The following CC2D2B variants were observed in gnomAD, a reference collection of about 807,000 sequenced individuals.
CC2D2B encodes the protein protein CC2D2B.
In CC2D2B, 128 loss-of-function variants were observed where a neutral mutation model predicts 161.2. That is an observed-to-expected ratio of 0.79 (90% CI 0.69 to 0.92). The LOEUF is 0.92. Among genes scored for constraint, CC2D2B ranks in the 40% least tolerant of loss-of-function variants. The pLI is 0.00. For missense variants in CC2D2B, 1,173 were observed against 1,375.1 expected (o/e 0.85, Z 2.32); for synonymous variants, 391 against 449.8 (o/e 0.87, Z 1.65).
In CC2D2B at chr10:95,992,296, C is replaced by A. The variant is rs142149144; in HGVS notation, c.2472-231C>A. The stretch of plus-strand genomic sequence containing the variant: ...CCACGTATCTGTTTGGACCATGTAC[C>A]CAAGGGGCAAGGAGCAATCACAGTC... On this transcript the variant is annotated intron_variant, in intron 21 of 34. Transcript: ENST00000646931. Among the ~76,000 whole-genome samples the A allele has an allele frequency of 6.6e-5, 10 of 152,202 alleles. No homozygotes were observed. The East Asian group carries it at 1.9e-3, about 29-fold the overall frequency.
At chr10:95,916,194 C>G (rs925544638) in intron 2 of CC2D2B, among the ~76,000 whole-genome samples, 19 of 152,026 alleles carry the variant, frequency 1.2e-4, no homozygotes, top group African/African-American at 4.6e-4. Context: ...CATATAATTT[C>G]TCATAGTAGC....
chr10:96,031,735 A>G, intron 34 of CC2D2B, 85 bp from the exon 35 acceptor site: 1 of 1,193,206 alleles, frequency 8.4e-7, no homozygotes, highest in Admixed American at 2.0e-5. Context: ...TATTTCTTTG[A>G]GGCTTTTGTG....
At chr10:95,965,785 TTGTG>T (rs59230785) in intron 12 of CC2D2B, 107 bp from the exon 13 acceptor site, 4,427 of 339,064 alleles carry the variant, frequency 0.013, 12 homozygotes, top group Middle Eastern at 0.018. Context: ...GAGATTGGTT[TTGTG>T]TGTGTGTGTG....
chr10:95,968,491 G>T (rs1016293561), intron 14 of CC2D2B, among the ~76,000 whole-genome samples: 1 of 152,022 alleles, frequency 6.6e-6, no homozygotes, highest in Admixed American at 6.6e-5. Flanking sequence ...ATAGGACCTT[G>T]ATTTTAGTTC....
At chr10:95,995,021 C>T (rs1392279807) in intron 22 of CC2D2B, among the ~76,000 whole-genome samples, 2 of 152,038 alleles carry the variant, frequency 1.3e-5, no homozygotes, top group Admixed American at 6.6e-5. Context: ...TTTCTGAATA[C>T]CTGTGAATAT....
At chr10:95,993,886 TATAGAGAG>T (rs1241272397) in intron 22 of CC2D2B, among the ~76,000 whole-genome samples, 1 of 99,370 alleles carries the variant, frequency 1.0e-5, no homozygotes, top group Non-Finnish European at 1.9e-5. Flanking sequence ...TATATATATA[TATAGAGAG>T]AGAGAATGTG....
At chr10:95,995,173 T>C (rs776563205) in intron 22 of CC2D2B, 96 bp from the exon 23 acceptor site, 7 of 582,100 alleles carry the variant, frequency 1.2e-5, no homozygotes, top group East Asian at 3.0e-5. Flanking sequence ...AACTGACTTA[T>C]ATATCTTCAT....
chr10:95,947,774 C>A (rs2076274569), intron 9 of CC2D2B, among the ~76,000 whole-genome samples: 1 of 151,720 alleles, frequency 6.6e-6, no homozygotes, highest in Non-Finnish European at 1.5e-5. Flanking sequence ...AAAAGATGGA[C>A]TAAAACAGTT....
intron 11 of CC2D2B, among the ~76,000 whole-genome samples, chr10:95,956,935 G>T (rs1001420899): frequency 6.6e-6 from 1 of 151,992 alleles, no homozygotes; most frequent in Admixed American, 6.6e-5. Flanking sequence ...TCTGAGATTG[G>T]TTAATCTATA....
chr10:95,967,687 C>T (rs2076987120), intron 14 of CC2D2B, among the ~76,000 whole-genome samples: 1 of 152,040 alleles, frequency 6.6e-6, no homozygotes, highest in South Asian at 2.1e-4. Flanking sequence ...TTTTTAAAAT[C>T]AATACTTTTA....
intron 29 of CC2D2B, among the ~76,000 whole-genome samples, chr10:96,014,765 T>G (rs2079120367): frequency 6.6e-6 from 1 of 152,188 alleles, no homozygotes; most frequent in African/African-American, 2.4e-5. Context: ...ACTCCTCTTA[T>G]AAAATCCAGA....
intron 34 of CC2D2B, among the ~76,000 whole-genome samples, chr10:96,030,095 A>G (rs549435899): frequency 7.9e-5 from 12 of 152,238 alleles, no homozygotes; most frequent in African/African-American, 2.9e-4. Context: ...TTACAGAATG[A>G]GCCACTGTGC....
intron 19 of CC2D2B, among the ~76,000 whole-genome samples, chr10:95,984,100 T>C (rs1461394431): frequency 6.6e-6 from 1 of 152,212 alleles, no homozygotes; most frequent in Non-Finnish European, 1.5e-5. Flanking sequence ...ATAAAATGTA[T>C]CACCAATTTA....
intron 14 of CC2D2B, among the ~76,000 whole-genome samples, chr10:95,967,866 T>C (rs959579706): frequency 2.0e-5 from 3 of 152,104 alleles, no homozygotes; most frequent in Admixed American, 6.6e-5. Flanking sequence ...ACTGGGCCCA[T>C]AGGGTGATTA....
At chr10:95,929,968 C>T (rs188723485) in intron 6 of CC2D2B, among the ~76,000 whole-genome samples, 82 of 152,224 alleles carry the variant, frequency 5.4e-4, no homozygotes, top group African/African-American at 1.9e-3. Flanking sequence ...AGCATTGAAT[C>T]TATAAATTAC....
At chr10:95,955,987 A>G (rs1330449969) in intron 11 of CC2D2B, among the ~76,000 whole-genome samples, 4 of 152,188 alleles carry the variant, frequency 2.6e-5, no homozygotes, top group Non-Finnish European at 1.5e-5. Context: ...GACAAAACAT[A>G]TTCATGTGTC....
At chr10:95,969,448 A>C (rs1323691272) in intron 15 of CC2D2B, among the ~76,000 whole-genome samples, 1 of 152,122 alleles carries the variant, frequency 6.6e-6, no homozygotes, top group Admixed American at 6.5e-5. Flanking sequence ...AAAATGAGAG[A>C]CAACAAACGA....
chr10:96,021,368 G>A (rs1311294078), intron 32 of CC2D2B: 3 of 152,196 alleles, frequency 2.0e-5, no homozygotes, highest in Non-Finnish European at 4.4e-5. Context: ...GAGTTGTGAA[G>A]TACTTATACA....
At chr10:95,970,835 C>A (rs2077100193) in intron 15 of CC2D2B, among the ~76,000 whole-genome samples, 1 of 152,180 alleles carries the variant, frequency 6.6e-6, no homozygotes, top group South Asian at 2.1e-4. Context: ...AGTAGGGATG[C>A]CTTTGTCAAA....
Sources: gnomAD v4.1 joint callset for allele counts (sites outside exome capture counted in the v4.1 genomes callset) on GRCh38, gnomAD v4.1.1 for gene constraint, MANE v1.5 for transcripts, NCBI Gene and HGNC (gene_info 2026-07-23, HGNC 2026-07-21) for gene names.